The following HDGFL3 variants were observed in gnomAD, a reference collection of about 807,000 sequenced individuals.
HDGFL3 encodes HDGF like 3, also known as hepatoma-derived growth factor-related protein 3.
HDGFL3 carries 6 observed loss-of-function variants against 27.6 expected under a neutral mutation model. The observed-to-expected ratio is 0.22, with a 90% confidence interval of 0.12 to 0.43. The LOEUF (loss-of-function observed/expected upper bound fraction) is 0.43, where lower values mean the gene tolerates loss of function less well. Among genes scored for constraint, HDGFL3 ranks in the 20% least tolerant of loss-of-function variants. The pLI is 1.00. For missense variants in HDGFL3, 207 were observed against 250.1 expected (o/e 0.83, Z 1.16); for synonymous variants, 88 against 88.9 (o/e 0.99, Z 0.05).
intron 1 of HDGFL3, among the ~76,000 whole-genome samples, chr15:83,204,630 A>C (rs544389660): frequency 1.3e-5 from 2 of 152,338 alleles, no homozygotes; most frequent in African/African-American, 4.8e-5. Flanking sequence ...TCTGAGTTGA[A>C]AGTTGACAAT....
chr15:83,199,132 T>C (rs541265145), intron 1 of HDGFL3, among the ~76,000 whole-genome samples: 3 of 152,272 alleles, frequency 2.0e-5, no homozygotes, highest in East Asian at 3.9e-4. Flanking sequence ...GGGAAGGAGA[T>C]AAGAGAAGTT....
intron 4 of HDGFL3, among the ~76,000 whole-genome samples, chr15:83,155,839 T>C (rs141385480): frequency 6.6e-6 from 1 of 152,346 alleles, no homozygotes; most frequent in Non-Finnish European, 1.5e-5. Flanking sequence ...AGACCAATTA[T>C]AGTGAAACCT....
chr15:83,122,351 TTACAAG>T lies in HDGFL3; in HGVS notation c.394-6616_394-6611del, dbSNP rs554248269. Among the ~76,000 whole-genome samples, 30 of 152,184 alleles carry T rather than the reference TTACAAG, an allele frequency of 2.0e-4. No homozygotes were observed. In the South Asian group the frequency reaches 5.4e-3, roughly 27 times the overall value. ...AGAACTCCAAAAATGTACTTGGAAA[TTACAAG>T]TACATTATTAATGTATGCAGGAAAT... On this transcript the variant is annotated intron_variant, in intron 3 of 3. Coordinates refer to the HDGFL3 transcript ENST00000568294.
chr15:83,195,070 G>A (rs1453638952), intron 1 of HDGFL3, among the ~76,000 whole-genome samples: 1 of 151,954 alleles, frequency 6.6e-6, no homozygotes, highest in Admixed American at 6.6e-5. Flanking sequence ...TTTCAATATC[G>A]TATGACAAAA....
chr15:83,126,836 C>A (rs1471118003), downstream of HDGFL3: 12 of 1,612,484 alleles, frequency 7.4e-6, no homozygotes, highest in Non-Finnish European at 1.0e-5. Flanking sequence ...TGCTGCTTAT[C>A]CTAAAATTCA....
rs546153483 is a variant in HDGFL3 at position 83,185,755 on chromosome 15, G to C, written c.84+21576C>G. The stretch of plus-strand genomic sequence containing the variant: ...AATGGCTTGTGTGATCCCCACTCTT[G>C]ATATTCATATCCTTACATAAAATCC... On this transcript the variant is annotated intron_variant, in intron 1 of 5. Coordinates refer to ENST00000299633, the MANE Select transcript of HDGFL3 (RefSeq NM_016073.4). Among the ~76,000 whole-genome samples the C allele has an allele frequency of 9.9e-5, 15 of 152,282 alleles. No homozygotes were observed. In the South Asian group the frequency reaches 2.7e-3, roughly 27 times the overall value.
At chr15:83,174,380 T>C (rs1302205479) in intron 1 of HDGFL3, among the ~76,000 whole-genome samples, 2 of 152,094 alleles carry the variant, frequency 1.3e-5, no homozygotes, top group South Asian at 2.1e-4. Flanking sequence ...CAAGTTCTTA[T>C]CTTTTGGCAA....
intron 3 of HDGFL3, among the ~76,000 whole-genome samples, chr15:83,122,421 A>C (rs1243903803): frequency 6.6e-6 from 1 of 152,198 alleles, no homozygotes; most frequent in Non-Finnish European, 1.5e-5. Flanking sequence ...ATAGATATAG[A>C]TATAGGGAGA....
intron 3 of HDGFL3, chr15:83,122,134 A>G: frequency 2.6e-6 from 2 of 776,310 alleles, no homozygotes; most frequent in Non-Finnish European, 4.2e-6. Flanking sequence ...TTTGCAGAAT[A>G]ATTCCTTTTT....
downstream of HDGFL3, chr15:83,123,014 T>G: frequency 1.0e-6 from 1 of 952,798 alleles, no homozygotes; most frequent in East Asian, 2.5e-5. Flanking sequence ...GTTTTGATTA[T>G]GTAGCATTAG....
chr15:83,182,077 C>A (rs2037388111), intron 1 of HDGFL3, among the ~76,000 whole-genome samples: 1 of 152,172 alleles, frequency 6.6e-6, no homozygotes, highest in African/African-American at 2.4e-5. Flanking sequence ...TCATCTCAGA[C>A]ATTTTCCCTG....
intron 5 of HDGFL3, among the ~76,000 whole-genome samples, chr15:83,145,219 A>G (rs2036866990): frequency 6.6e-6 from 1 of 152,006 alleles, no homozygotes; most frequent in Non-Finnish European, 1.5e-5. Flanking sequence ...CAGAGCACCC[A>G]TCACTTCCTG....
At chr15:83,143,907 T>G (rs1206657890) in intron 5 of HDGFL3, among the ~76,000 whole-genome samples, 3 of 151,888 alleles carry the variant, frequency 2.0e-5, no homozygotes, top group Non-Finnish European at 2.9e-5. Context: ...GTTTTTTTTG[T>G]TTGTTTGTTT....
At position 83,136,746 on chromosome 15, in the gene HDGFL3, C is replaced by A; in HGVS notation, c.*2524G>T. ...CTGGTACTGATATTTTGTCCCATTT[C>A]ACTCTCTTCTCATACGTGAGTACTT... On this transcript the variant is annotated 3_prime_UTR_variant, in exon 6 of 6. Transcript: ENST00000299633. The A allele has an allele frequency of 7.8e-7, 1 of 1,286,538 alleles. No homozygotes were observed. The highest frequency in any genetic ancestry group is 1.1e-6 in the Non-Finnish European group (1 of 922,556). The allele number at this position is 1,286,538 out of a possible 1,614,324, so 79.7% of individuals were successfully genotyped here. A position where few individuals can be genotyped will look rare whatever the true frequency, so the allele number is the denominator to read the frequency against.
intron 1 of HDGFL3, among the ~76,000 whole-genome samples, chr15:83,176,445 CAG>C (rs1356395808): frequency 6.6e-6 from 1 of 152,146 alleles, no homozygotes; most frequent in Non-Finnish European, 1.5e-5. Flanking sequence ...TTGCTCACTG[CAG>C]AGATACTAAG....
At chr15:83,185,558 T>C (rs1438578405) in intron 1 of HDGFL3, among the ~76,000 whole-genome samples, 2 of 152,186 alleles carry the variant, frequency 1.3e-5, no homozygotes, top group Non-Finnish European at 2.9e-5. Context: ...TCAAAGAGGC[T>C]ACCCGGAGGC....
downstream of HDGFL3, chr15:83,122,938 A>G (rs2035408372): frequency 9.4e-6 from 15 of 1,592,814 alleles, no homozygotes; most frequent in Non-Finnish European, 1.3e-5. Context: ...TTTCGCATCC[A>G]CTGGCCACTG....
chr15:83,122,889 T>C (rs765253028), downstream of HDGFL3: 14 of 1,613,804 alleles, frequency 8.7e-6, no homozygotes, highest in Admixed American at 2.3e-4. Flanking sequence ...GTGATTTTAT[T>C]AAGCTTTGAT....
rs1408891173 is a variant in HDGFL3, at chr15:83,128,968, CT to C, written c.*10301del. On this transcript the variant is annotated 3_prime_UTR_variant, in exon 6 of 6. Transcript: ENST00000299633. ...GCCTCTGTCTCCAGAGTAGCTGGGA[CT>C]ACAGACATACACCACCGCACACAGC... 1 of 152,142 alleles carries C rather than the reference CT, an allele frequency of 6.6e-6. No homozygotes were observed. The highest frequency in any genetic ancestry group is 1.9e-4 in the East Asian group (1 of 5,188). The allele number at this position is 152,142 out of a possible 1,614,324, so 9.4% of individuals were successfully genotyped here.
Sources: gnomAD v4.1 joint callset for allele counts (sites outside exome capture counted in the v4.1 genomes callset) on GRCh38, gnomAD v4.1.1 for gene constraint, MANE v1.5 for transcripts, NCBI Gene and HGNC (gene_info 2026-07-23, HGNC 2026-07-21) for gene names.